The following GRM5 variants were observed in gnomAD, a reference collection of about 807,000 sequenced individuals.
The protein encoded by GRM5 is glutamate metabotropic receptor 5.
In GRM5, 19 loss-of-function variants were observed where a neutral mutation model predicts 83.1. The observed-to-expected ratio is 0.23, with a 90% CI of 0.16 to 0.34. The LOEUF (loss-of-function observed/expected upper bound fraction) is 0.34. GRM5 is among the 10% of genes least tolerant of loss of function. The probability of loss-of-function intolerance (pLI) is 1.00; values close to 1 mark genes in which losing one functional copy is unlikely to be tolerated. For missense variants in GRM5, 1,160 were observed against 1,588.3 expected (o/e 0.73, Z 4.58); for synonymous variants, 675 against 633.6 (o/e 1.07, Z -0.98).
chr11:88,969,595 G>A (rs1939104472), intron 2 of GRM5, among the ~76,000 whole-genome samples: 1 of 151,980 alleles, frequency 6.6e-6, no homozygotes, highest in African/African-American at 2.4e-5. Flanking sequence ...GTGATATAAA[G>A]GTGTTAATGT....
intron 3 of GRM5, among the ~76,000 whole-genome samples, chr11:88,746,889 A>T (rs1942156435): frequency 6.6e-6 from 1 of 152,148 alleles, no homozygotes; most frequent in Non-Finnish European, 1.5e-5. Context: ...AAAATCCAAA[A>T]ATCAATGAAG....
chr11:88,634,477 A>G (rs1285041541), intron 4 of GRM5, among the ~76,000 whole-genome samples: 1 of 152,058 alleles, frequency 6.6e-6, no homozygotes, highest in Non-Finnish European at 1.5e-5. Flanking sequence ...TATTTTTTAA[A>G]TGTTTTTGTT....
intron 2 of GRM5, among the ~76,000 whole-genome samples, chr11:88,868,315 G>A (rs779598128): frequency 4.6e-5 from 7 of 151,648 alleles, no homozygotes; most frequent in Non-Finnish European, 8.8e-5. Context: ...TTCAAATCCC[G>A]GCTCTGACAT....
At chr11:88,719,218 T>A (rs953730785) in intron 3 of GRM5, among the ~76,000 whole-genome samples, 4 of 152,016 alleles carry the variant, frequency 2.6e-5, no homozygotes, top group Admixed American at 6.6e-5. Flanking sequence ...TACCTCCTTT[T>A]ACCCTCCACC....
At chr11:88,970,338 C>T (rs1334241922) in intron 2 of GRM5, among the ~76,000 whole-genome samples, 4 of 152,116 alleles carry the variant, frequency 2.6e-5, no homozygotes, top group Non-Finnish European at 4.4e-5. Flanking sequence ...CCTGCTTCCC[C>T]TAGATTTTCA....
intron 9 of GRM5, chr11:88,524,181 C>CT (rs1491278013): frequency 1.8e-5 from 2 of 108,228 alleles, no homozygotes; most frequent in African/African-American, 3.7e-5. Context: ...CTTTTCTTTT[C>CT]TTTTTTCTTT....
At chr11:88,614,138 A>G (rs1591383128) in intron 4 of GRM5, among the ~76,000 whole-genome samples, 1 of 152,204 alleles carries the variant, frequency 6.6e-6, no homozygotes, top group African/African-American at 2.4e-5. Flanking sequence ...GGTGGGTTTG[A>G]GTCTCATTCT....
chr11:88,636,963 G>C (rs1050126589), intron 4 of GRM5, among the ~76,000 whole-genome samples: 1 of 152,134 alleles, frequency 6.6e-6, no homozygotes, highest in Admixed American at 6.6e-5. Context: ...AGCCTTGTAG[G>C]ATAGTTTGAA....
At position 88,997,731 on chromosome 11, in the gene GRM5, G is replaced by A. The variant is rs201960881; in HGVS notation, c.661+49481C>T. 7.9e-5 allele frequency among the ~76,000 whole-genome samples: 12 copies of A among 152,080 alleles called. No homozygotes were observed. In the East Asian group the frequency reaches 1.7e-3, roughly 22 times the overall value. Reference sequence around the variant, plus strand: ...ATTAATCAATTCCATGAAATGCATAGACAATCACAATTTACTCAAATACTT... The same window carrying A: ...ATTAATCAATTCCATGAAATGCATAAACAATCACAATTTACTCAAATACTT... On this transcript the variant is annotated intron_variant, in intron 2 of 9. Transcript: ENST00000305447.
chr11:88,777,445 G>T (rs190285218), intron 3 of GRM5, among the ~76,000 whole-genome samples: 3 of 152,080 alleles, frequency 2.0e-5, no homozygotes, highest in Non-Finnish European at 2.9e-5. Flanking sequence ...CTGTCAAATC[G>T]TCAAAGTCAT....
At chr11:88,824,028 T>G (rs10765797) in intron 3 of GRM5, among the ~76,000 whole-genome samples, 70,323 of 152,046 alleles carry the variant, frequency 0.46, 18,599 homozygotes, top group East Asian at 0.76. Context: ...TGCATATTGG[T>G]TTACTCCTTG....
At chr11:89,016,358 T>C (rs1387228992) in intron 2 of GRM5, among the ~76,000 whole-genome samples, 1 of 151,442 alleles carries the variant, frequency 6.6e-6, no homozygotes, top group African/African-American at 2.4e-5. Flanking sequence ...GTTTTTCATA[T>C]AGACAGATAT....
chr11:88,963,909 C>T (rs1312279632), intron 2 of GRM5, among the ~76,000 whole-genome samples: 2 of 152,072 alleles, frequency 1.3e-5, no homozygotes, highest in African/African-American at 4.8e-5. Context: ...CTGTGAGAGT[C>T]TATGCTCAAG....
chr11:88,902,156 T>G (rs1279256244), intron 2 of GRM5, among the ~76,000 whole-genome samples: 1 of 147,582 alleles, frequency 6.8e-6, no homozygotes, highest in Non-Finnish European at 1.5e-5. Context: ...AGTTTTTTTG[T>G]TTTTTTTTTG....
At position 88,969,266 on chromosome 11, in the gene GRM5, T is replaced by C. The variant is rs1381242986; in HGVS notation, c.661+77946A>G. On this transcript the variant is annotated intron_variant, in intron 2 of 9. Coordinates refer to ENST00000305447, the MANE Select transcript of GRM5 (RefSeq NM_001143831.3). ...ATTATATATATATGTATATATTTAC[T>C]TGCTGGAAAAATAAGATGCAAGTAT... is the stretch of plus-strand genomic sequence containing the variant. Among the ~76,000 whole-genome samples the C allele has an allele frequency of 3.9e-5, 6 of 152,232 alleles. No individual in the cohort carries two copies. In the East Asian group the frequency reaches 1.2e-3, roughly 29 times the overall value.
chr11:88,508,418 G>T lies in GRM5; in HGVS notation c.*174C>A, dbSNP rs773025683. On this transcript the variant is annotated 3_prime_UTR_variant, in exon 10 of 10. Coordinates refer to ENST00000305447, the MANE Select transcript of GRM5 (RefSeq NM_001143831.3). The surrounding 1 kb of genome is among the most constrained non-coding windows in gnomAD (Gnocchi z 4.2). ...AAAATCTGCCAAAAGATTTGTCGTC[G>T]GTTTCTTCGTCGGTTGTCATGAGAT... 3 of 493,282 alleles carry T rather than the reference G, an allele frequency of 6.1e-6. No individual in the cohort carries two copies. The African/African-American group carries it at 6.1e-5, about 10-fold the overall frequency. 30.6% of individuals were successfully genotyped at this position (493,282 alleles called of 1,614,324 possible).
intron 3 of GRM5, among the ~76,000 whole-genome samples, chr11:88,780,367 A>G (rs1441499238): frequency 6.6e-6 from 1 of 152,162 alleles, no homozygotes; most frequent in Non-Finnish European, 1.5e-5. Flanking sequence ...CTCCCATTAT[A>G]GATGGTTGAG....
At chr11:88,957,858 T>C (rs1938670548) in intron 2 of GRM5, among the ~76,000 whole-genome samples, 1 of 152,174 alleles carries the variant, frequency 6.6e-6, no homozygotes, top group Admixed American at 6.5e-5. Context: ...TATCCAAATT[T>C]ATCCCACAAA....
intron 7 of GRM5, among the ~76,000 whole-genome samples, chr11:88,576,724 C>A (rs1162993502): frequency 1.3e-5 from 2 of 152,086 alleles, no homozygotes; most frequent in African/African-American, 4.8e-5. Flanking sequence ...GTCAGTGAAG[C>A]AATTTCTCAG....
Sources: gnomAD v4.1 joint callset for allele counts (sites outside exome capture counted in the v4.1 genomes callset) on GRCh38, gnomAD v4.1.1 for gene constraint, Gnocchi (gnomAD v3.1) non-coding constraint, MANE v1.5 for transcripts, NCBI Gene and HGNC (gene_info 2026-07-23, HGNC 2026-07-21) for gene names.